The following SLC71A2 variants were observed in gnomAD, a reference collection of about 807,000 sequenced individuals.
SLC71A2 encodes the protein hippocampus abundant transcript-like 1.
the SLC71A2 span, chr9:94,459,472 C>T: frequency 1.9e-6 from 3 of 1,584,546 alleles, no homozygotes; most frequent in South Asian, 1.1e-5. Flanking sequence ...GGGAGCCACA[C>T]CCCTGGTGAC....
At chr9:94,392,590 T>C in the SLC71A2 span, among the ~76,000 whole-genome samples, 1 of 151,160 alleles carries the variant, frequency 6.6e-6, no homozygotes. Flanking sequence ...AACCTCCGCC[T>C]CCTGGGTTCA....
chr9:94,435,385 T>TA, the SLC71A2 span, among the ~76,000 whole-genome samples: 45 of 152,364 alleles, frequency 3.0e-4, no homozygotes, highest in African/African-American at 1.1e-3. Flanking sequence ...TGTTCCTTGC[T>TA]AAAGCCAGCT....
chr9:94,447,431 C>T, the SLC71A2 span, among the ~76,000 whole-genome samples: 28 of 151,422 alleles, frequency 1.8e-4, no homozygotes, highest in African/African-American at 5.8e-4. Context: ...CCACCCGCCT[C>T]GGTCTCCCAA....
chr9:94,391,179 C>A, the SLC71A2 span, among the ~76,000 whole-genome samples: 1 of 146,756 alleles, frequency 6.8e-6, no homozygotes, highest in African/African-American at 2.5e-5. Context: ...GAATTTGATA[C>A]CAGCCTAATG....
chr9:94,375,503 G>A, the SLC71A2 span, among the ~76,000 whole-genome samples: 1 of 151,998 alleles, frequency 6.6e-6, no homozygotes, highest in Non-Finnish European at 1.5e-5. Flanking sequence ...AAGCAATTGA[G>A]CCCTGACTTA....
the SLC71A2 span, among the ~76,000 whole-genome samples, chr9:94,399,581 C>A: frequency 1.3e-5 from 2 of 152,306 alleles, no homozygotes; most frequent in African/African-American, 4.8e-5. Context: ...ACCTTCCACT[C>A]CAGCAGTGAG....
chr9:94,381,812 A>G, the SLC71A2 span, among the ~76,000 whole-genome samples: 1 of 152,222 alleles, frequency 6.6e-6, no homozygotes, highest in Non-Finnish European at 1.5e-5. Context: ...CTTTAAAAAA[A>G]TAATAAAATA....
chr9:94,434,428 T>C, the SLC71A2 span, among the ~76,000 whole-genome samples: 1 of 152,222 alleles, frequency 6.6e-6, no homozygotes, highest in Non-Finnish European at 1.5e-5. Flanking sequence ...GTGATTCTCC[T>C]GCCTCAGACT....
At chr9:94,404,470 A>G in the SLC71A2 span, among the ~76,000 whole-genome samples, 1 of 151,808 alleles carries the variant, frequency 6.6e-6, no homozygotes, top group East Asian at 1.9e-4. Flanking sequence ...TAATTTTTGT[A>G]TTTTTACTAG....
the SLC71A2 span, among the ~76,000 whole-genome samples, chr9:94,413,858 T>G: frequency 6.6e-6 from 1 of 152,278 alleles, no homozygotes; most frequent in East Asian, 1.9e-4. Flanking sequence ...AAGATGGCCT[T>G]GCTCCTATGT....
chr9:94,395,242 A>G, the SLC71A2 span, among the ~76,000 whole-genome samples: 27 of 152,148 alleles, frequency 1.8e-4, no homozygotes, highest in African/African-American at 5.5e-4. Flanking sequence ...ATTAGGGAGC[A>G]CTAGTTTTCA....
chr9:94,384,590 T>C, the SLC71A2 span, among the ~76,000 whole-genome samples: 1 of 152,240 alleles, frequency 6.6e-6, no homozygotes, highest in East Asian at 1.9e-4. Context: ...TACACCCGCC[T>C]TGGCCTCCCA....
chr9:94,459,704 T>C, the SLC71A2 span: 2 of 325,002 alleles, frequency 6.2e-6, no homozygotes, highest in African/African-American at 2.1e-5. Context: ...GTCATCTCTC[T>C]GGTAGAAAGG....
chr9:94,418,870 A>G, the SLC71A2 span, among the ~76,000 whole-genome samples: 1 of 151,060 alleles, frequency 6.6e-6, no homozygotes, highest in African/African-American at 2.4e-5. Context: ...CTGGGATTAC[A>G]GGTGTGAGCC....
At chr9:94,433,813 C>G in the SLC71A2 span, among the ~76,000 whole-genome samples, 1 of 152,062 alleles carries the variant, frequency 6.6e-6, no homozygotes, top group African/African-American at 2.4e-5. Flanking sequence ...ACAACGAATT[C>G]AGAATGGAAA....
the SLC71A2 span, among the ~76,000 whole-genome samples, chr9:94,383,539 A>G: frequency 1.3e-5 from 2 of 151,756 alleles, no homozygotes; most frequent in African/African-American, 4.8e-5. Flanking sequence ...CCTTTGATCT[A>G]TTTGTCTTTA....
the SLC71A2 span, among the ~76,000 whole-genome samples, chr9:94,413,719 A>G: frequency 2.6e-5 from 4 of 152,118 alleles, no homozygotes; most frequent in East Asian, 3.9e-4. Context: ...GCTTAAAACA[A>G]CAACCATTTA....
the SLC71A2 span, among the ~76,000 whole-genome samples, chr9:94,405,838 G>A: frequency 1.3e-5 from 2 of 151,214 alleles, 1 homozygote; most frequent in Non-Finnish European, 2.9e-5. Flanking sequence ...AAGCATCATT[G>A]GGATTTTGAT....
chr9:94,401,443 A>G, the SLC71A2 span, among the ~76,000 whole-genome samples: 1 of 152,092 alleles, frequency 6.6e-6, no homozygotes, highest in Admixed American at 6.6e-5. Flanking sequence ...AAGTCCTGGG[A>G]TTACAGGCGT....
Sources: allele counts gnomAD v4.1 joint callset (sites outside exome capture counted in the v4.1 genomes callset), GRCh38; gene constraint gnomAD v4.1.1; transcripts MANE v1.5; gene names NCBI Gene and HGNC (gene_info 2026-07-23, HGNC 2026-07-21).